The following ARHGAP17 variants were observed in gnomAD, a reference collection of about 807,000 sequenced individuals.
ARHGAP17 encodes Rho GTPase activating protein 17, also known as rho GTPase-activating protein 17.
Under a neutral mutation model 99.5 loss-of-function variants are expected in ARHGAP17, and 57 were observed. That is an observed-to-expected ratio of 0.57 (90% CI 0.46 to 0.71). The LOEUF is 0.71. ARHGAP17 is among the 30% of genes least tolerant of loss of function. The pLI is 0.00. For synonymous variants in ARHGAP17, 417 were observed against 429.6 expected, an observed-to-expected ratio of 0.97 and a Z score of 0.36; for missense variants, 1,000 against 1,122.4, an observed-to-expected ratio of 0.89 and a Z score of 1.56.
In ARHGAP17 at chr16:24,931,291, G is replaced by T; in HGVS notation, c.2008C>A (p.Pro670Thr). ...GGAGGAGAGGGGCTTCGGGTGGGTG[G>T]CTTTGGTGACAGACTGGGTGGATGC... ...SQHPPSLSPK[P>T]PTRSPSPPTQ... Residue 670 changes from proline (P) to threonine (T), a missense_variant, in exon 19 of 20, where the codon CCA becomes ACA. Pro to Thr is a conservative substitution (Grantham distance 38). Around this residue, in one of 2 missense-constraint regions of ARHGAP17, gnomAD observed 528 missense variants for 511.4 expected, o/e 1.03. Coordinates refer to ENST00000289968, the MANE Select transcript of ARHGAP17 (RefSeq NM_001006634.3). 6.5e-7 allele frequency: 1 copy of T among 1,529,596 alleles called. No homozygotes were observed. The allele number at this position is 1,529,596 out of a possible 1,614,324, so 94.8% of individuals were successfully genotyped here.
At chr16:24,978,461 T>C (rs1442765027) in intron 2 of ARHGAP17, among the ~76,000 whole-genome samples, 1 of 152,018 alleles carries the variant, frequency 6.6e-6, no homozygotes, top group Non-Finnish European at 1.5e-5. Context: ...ACACAACTGC[T>C]CTAACAGAGA....
In ARHGAP17 at chr16:24,988,169, T is replaced by C. The variant is rs147646004; in HGVS notation, c.54-9164A>G. Reference sequence around the variant, plus strand: ...ATGAGTTTTTACTGTTTTATCTCATTAGATTAGCTGTCGTCTTAGATTTCT... The same window carrying C: ...ATGAGTTTTTACTGTTTTATCTCATCAGATTAGCTGTCGTCTTAGATTTCT... On this transcript the variant is annotated intron_variant, in intron 1 of 19. Transcript: ENST00000289968. Among the ~76,000 whole-genome samples, 690 of 152,360 alleles carry C rather than the reference T, an allele frequency of 4.5e-3. 6 individuals carry two copies. The highest frequency in any genetic ancestry group is 0.016 in the African/African-American group (653 of 41,592).
chr16:24,992,866 T>G (rs193130330), intron 1 of ARHGAP17, among the ~76,000 whole-genome samples: 1 of 152,146 alleles, frequency 6.6e-6, no homozygotes, highest in African/African-American at 2.4e-5. Context: ...AATGGTGCGA[T>G]CGTAACTTAT....
At chr16:24,943,628 T>C (rs1284758362) in intron 15 of ARHGAP17, 143 bp downstream of exon 15, 2 of 690,056 alleles carry the variant, frequency 2.9e-6, no homozygotes, top group Admixed American at 2.8e-5. Flanking sequence ...ACAAATGCAA[T>C]GAACAAAGGC....
intron 19 of ARHGAP17, among the ~76,000 whole-genome samples, chr16:24,926,891 C>G (rs73555420): frequency 6.6e-6 from 1 of 152,104 alleles, no homozygotes; most frequent in South Asian, 2.1e-4. Flanking sequence ...CCTAGAAGGC[C>G]GGGTCCGGGC....
chr16:25,014,349 T>C (rs1456968337), intron 1 of ARHGAP17, among the ~76,000 whole-genome samples: 1 of 152,222 alleles, frequency 6.6e-6, no homozygotes, highest in Non-Finnish European at 1.5e-5. Context: ...ATACAGCACA[T>C]GACAGTCACC....
intron 10 of ARHGAP17, among the ~76,000 whole-genome samples, 156 bp downstream of exon 10, chr16:24,954,447 A>G (rs1484179515): frequency 6.6e-6 from 1 of 152,246 alleles, no homozygotes; most frequent in Non-Finnish European, 1.5e-5. Context: ...AATATGGATC[A>G]TGGTGACAAA....
At chr16:24,980,807 T>C (rs1481097702) in intron 1 of ARHGAP17, among the ~76,000 whole-genome samples, 2 of 152,152 alleles carry the variant, frequency 1.3e-5, no homozygotes, top group Non-Finnish European at 2.9e-5. Context: ...TTTGCCTTTC[T>C]TCCCTAGCCA....
chr16:24,977,680 A>G (rs1434371437), intron 2 of ARHGAP17, among the ~76,000 whole-genome samples: 1 of 152,150 alleles, frequency 6.6e-6, no homozygotes, highest in Non-Finnish European at 1.5e-5. Flanking sequence ...CTGTGTTTTC[A>G]AAATTATTCC....
chr16:25,008,275 A>T (rs1028407012), intron 1 of ARHGAP17, among the ~76,000 whole-genome samples: 1 of 152,206 alleles, frequency 6.6e-6, no homozygotes, highest in Non-Finnish European at 1.5e-5. Context: ...ATGCATATCC[A>T]TTCAGTGGGA....
intron 12 of ARHGAP17, among the ~76,000 whole-genome samples, chr16:24,951,682 C>T (rs1313324340): frequency 6.6e-6 from 1 of 152,144 alleles, no homozygotes; most frequent in African/African-American, 2.4e-5. Context: ...ATTGTCTCCT[C>T]CTTACAATTT....
At chr16:24,970,130 G>T (rs1246553900) in intron 4 of ARHGAP17, among the ~76,000 whole-genome samples, 2 of 151,744 alleles carry the variant, frequency 1.3e-5, no homozygotes, top group African/African-American at 2.4e-5. Context: ...TTTGGTGACC[G>T]CCTGTAAACG....
rs1438454730 is a variant in ARHGAP17 at position 24,936,024 on chromosome 16, A to G, written c.1725-385T>C. 4 of 321,698 alleles carry G rather than the reference A, an allele frequency of 1.2e-5. No individual in the cohort carries two copies. In the Admixed American group the frequency reaches 1.9e-4, roughly 15 times the overall value. 19.9% of individuals were successfully genotyped at this position (321,698 alleles called of 1,614,324 possible). ...CTCTGCCACTCCAGTATCATCAGAGAGACCATTTCAAAGCAACCAATGCGG... is the reference window on the plus strand; with the variant it reads ...CTCTGCCACTCCAGTATCATCAGAGGGACCATTTCAAAGCAACCAATGCGG... On this transcript the variant is annotated intron_variant, in intron 17 of 19. Transcript: ENST00000289968.
chr16:24,978,489 G>A (rs1835006686), intron 2 of ARHGAP17, among the ~76,000 whole-genome samples: 1 of 152,208 alleles, frequency 6.6e-6, no homozygotes, highest in Non-Finnish European at 1.5e-5. Flanking sequence ...AAAGGCAGAA[G>A]AACACAGGGC....
chr16:24,947,327 C>T (rs546495019), intron 14 of ARHGAP17, among the ~76,000 whole-genome samples, 155 bp downstream of exon 14: 2 of 152,348 alleles, frequency 1.3e-5, no homozygotes, highest in African/African-American at 4.8e-5. Flanking sequence ...ACCCAGCTCA[C>T]AGCTGTGTTC....
At chr16:24,982,545 CAA>C in intron 1 of ARHGAP17, among the ~76,000 whole-genome samples, 1 of 152,166 alleles carries the variant, frequency 6.6e-6, no homozygotes, top group Non-Finnish European at 1.5e-5. Context: ...CTCCCTCACA[CAA>C]AGATTCTTTG....
intron 1 of ARHGAP17, among the ~76,000 whole-genome samples, chr16:25,008,456 T>C (rs2053561972): frequency 6.6e-6 from 1 of 152,232 alleles, no homozygotes; most frequent in African/African-American, 2.4e-5. Flanking sequence ...TAAGGGACTG[T>C]GGGCCTATTA....
At chr16:24,954,851 G>T (rs538923090) in intron 9 of ARHGAP17, 121 bp from the exon 10 acceptor site, 14 of 1,347,828 alleles carry the variant, frequency 1.0e-5, no homozygotes, top group Non-Finnish European at 1.3e-5. Context: ...TGCAAGAGGG[G>T]ATACATCTGT....
intron 17 of ARHGAP17, among the ~76,000 whole-genome samples, chr16:24,936,992 T>C (rs1457003835): frequency 6.6e-6 from 1 of 150,454 alleles, no homozygotes; most frequent in Non-Finnish European, 1.5e-5. Context: ...GGGGATGCAC[T>C]ACTATAGTCC....
Sources: allele counts gnomAD v4.1 joint callset (sites outside exome capture counted in the v4.1 genomes callset), GRCh38; gene constraint gnomAD v4.1.1; regional missense constraint gnomAD v4.1.1; transcripts MANE v1.5; gene names NCBI Gene and HGNC (gene_info 2026-07-23, HGNC 2026-07-21).